GRIA4: variants seen among roughly 807,000 people sequenced by gnomAD.
The protein encoded by GRIA4 is glutamate receptor 4.
GRIA4 carries 34 observed loss-of-function variants against 104.0 expected under a neutral mutation model. That is an observed-to-expected ratio of 0.33 (90% confidence interval 0.25 to 0.44). GRIA4 has a LOEUF of 0.44. Among genes scored for constraint, GRIA4 ranks in the 20% least tolerant of loss-of-function variants. The pLI is 1.00. For missense variants in GRIA4, 750 were observed against 1,096.5 expected, an observed-to-expected ratio of 0.68 and a Z score of 4.46; for synonymous variants, 386 against 381.9, an observed-to-expected ratio of 1.01 and a Z score of -0.13.
chr11:105,662,300 T>C (rs1952036912), intron 3 of GRIA4, among the ~76,000 whole-genome samples: 1 of 151,850 alleles, frequency 6.6e-6, no homozygotes, highest in Non-Finnish European at 1.5e-5. Context: ...TATCTCTAAC[T>C]GGCAAAACTG....
At chr11:105,636,644 C>G (rs1951210728) in intron 3 of GRIA4, among the ~76,000 whole-genome samples, 1 of 152,188 alleles carries the variant, frequency 6.6e-6, no homozygotes, top group Admixed American at 6.5e-5. Context: ...TCATTTAATG[C>G]AGCCATATGG....
At position 105,913,232 on chromosome 11, in the gene GRIA4, A is replaced by G. The variant is rs528894087; in HGVS notation, c.1269+2687A>G. On this transcript the variant is annotated intron_variant, in intron 10 of 16. Coordinates refer to ENST00000282499, the MANE Select transcript of GRIA4 (RefSeq NM_000829.4). The stretch of plus-strand genomic sequence containing the variant: ...CTTATAGTATATTGAGAGAAAGCAG[A>G]CCAGAAACATAATTAAGAATTATAT... 568 of 394,004 alleles carry G rather than the reference A, an allele frequency of 1.4e-3. 1 individual carries two copies. The highest frequency in any genetic ancestry group is 1.8e-3 in the Non-Finnish European group (522 of 289,776). The allele number at this position is 394,004 out of a possible 1,614,324, so 24.4% of individuals were successfully genotyped here.
At chr11:105,696,831 C>G (rs1953296344) in intron 3 of GRIA4, among the ~76,000 whole-genome samples, 1 of 151,346 alleles carries the variant, frequency 6.6e-6, no homozygotes, top group South Asian at 2.1e-4. Context: ...GTGGTGTGAT[C>G]TCTACTCACT....
intron 5 of GRIA4, among the ~76,000 whole-genome samples, chr11:105,869,612 A>C (rs1433723376): frequency 5.9e-5 from 9 of 152,142 alleles, no homozygotes. Flanking sequence ...AAAGGCAGCA[A>C]AACATTCAAC....
At chr11:105,729,954 C>T (rs1938482142) in intron 3 of GRIA4, among the ~76,000 whole-genome samples, 1 of 152,174 alleles carries the variant, frequency 6.6e-6, no homozygotes, top group Admixed American at 6.5e-5. Context: ...GAAGCATTCC[C>T]TTAGAAAACC....
intron 3 of GRIA4, among the ~76,000 whole-genome samples, chr11:105,669,232 A>G (rs896606900): frequency 5.3e-5 from 8 of 151,900 alleles, no homozygotes; most frequent in African/African-American, 9.7e-5. Flanking sequence ...GACAATTACA[A>G]TAACCTTCTG....
chr11:105,915,416 A>C (rs74393515), intron 10 of GRIA4, among the ~76,000 whole-genome samples: 3,060 of 152,346 alleles, frequency 0.02, 45 homozygotes, highest in Non-Finnish European at 0.031. Context: ...AACTGAAAAA[A>C]TGAAAGACAT....
At chr11:105,625,917 C>T (rs188470053) in intron 3 of GRIA4, among the ~76,000 whole-genome samples, 9 of 152,224 alleles carry the variant, frequency 5.9e-5, no homozygotes, top group East Asian at 3.9e-4. Flanking sequence ...TTGGAAACAT[C>T]TAGACCGTCC....
At chr11:105,863,490 A>T (rs78595082) in intron 5 of GRIA4, among the ~76,000 whole-genome samples, 13,260 of 152,154 alleles carry the variant, frequency 0.087, 639 homozygotes, top group Non-Finnish European at 0.12. Context: ...GAGAGTCCAA[A>T]AAATTTTTGA....
intron 3 of GRIA4, among the ~76,000 whole-genome samples, chr11:105,630,740 T>C (rs1383279564): frequency 1.3e-5 from 2 of 152,160 alleles, no homozygotes; most frequent in Admixed American, 6.5e-5. Context: ...TAATTAAAAA[T>C]GGAAAACAGT....
At chr11:105,643,659 CA>C (rs1362082113) in intron 3 of GRIA4, among the ~76,000 whole-genome samples, 9 of 152,132 alleles carry the variant, frequency 5.9e-5, no homozygotes, top group African/African-American at 2.2e-4. Flanking sequence ...GTTCTTCTAA[CA>C]AAGTGTTAGA....
intron 3 of GRIA4, among the ~76,000 whole-genome samples, chr11:105,700,009 G>A (rs536922672): frequency 2.6e-5 from 4 of 152,156 alleles, no homozygotes; most frequent in East Asian, 3.9e-4. Flanking sequence ...GATCCTAGTG[G>A]GGCACTCAAT....
chr11:105,628,395 C>T (rs1417371921), intron 3 of GRIA4, among the ~76,000 whole-genome samples: 1 of 152,068 alleles, frequency 6.6e-6, no homozygotes, highest in Non-Finnish European at 1.5e-5. Context: ...GTGTCCCCAC[C>T]CACATCTCAT....
At chr11:105,772,510 T>C (rs1941256333) in intron 4 of GRIA4, among the ~76,000 whole-genome samples, 2 of 152,146 alleles carry the variant, frequency 1.3e-5, no homozygotes, top group African/African-American at 4.8e-5. Flanking sequence ...TGAAAGAATA[T>C]AGGATATAAT....
intron 3 of GRIA4, among the ~76,000 whole-genome samples, chr11:105,685,344 T>C (rs1952845884): frequency 6.6e-6 from 1 of 152,182 alleles, no homozygotes; most frequent in Non-Finnish European, 1.5e-5. Flanking sequence ...ATTTTCAAAA[T>C]AAAATACAAA....
intron 10 of GRIA4, among the ~76,000 whole-genome samples, chr11:105,911,459 T>C (rs1357008361): frequency 6.6e-6 from 1 of 151,942 alleles, no homozygotes; most frequent in South Asian, 2.1e-4. Flanking sequence ...TAAATCTTTA[T>C]GGAAACCTTA....
At chr11:105,614,409 TG>T (rs1950549920) in intron 3 of GRIA4, 1 of 151,908 alleles carries the variant, frequency 6.6e-6, no homozygotes, top group African/African-American at 2.4e-5. Flanking sequence ...TAAAAATATA[TG>T]TGAAATAAAG....
At chr11:105,666,700 G>A (rs1952176015) in intron 3 of GRIA4, among the ~76,000 whole-genome samples, 1 of 151,686 alleles carries the variant, frequency 6.6e-6, no homozygotes, top group South Asian at 2.1e-4. Flanking sequence ...TACACGTTGT[G>A]GTTAACTTAA....
chr11:105,900,992 C>A (rs1946834760), intron 7 of GRIA4, among the ~76,000 whole-genome samples: 1 of 151,986 alleles, frequency 6.6e-6, no homozygotes, highest in Admixed American at 6.6e-5. Flanking sequence ...TGATTCCTTT[C>A]CCCCTTGTAA....
Sources: allele counts gnomAD v4.1 joint callset (sites outside exome capture counted in the v4.1 genomes callset), GRCh38; gene constraint gnomAD v4.1.1; transcripts MANE v1.5; gene names NCBI Gene and HGNC (gene_info 2026-07-23, HGNC 2026-07-21).